DCC: variants seen among roughly 807,000 people sequenced by gnomAD.
DCC encodes the protein DCC netrin 1 receptor, also known as netrin receptor DCC.
In DCC, 58 loss-of-function variants were observed where a neutral mutation model predicts 172.5. The ratio of observed to expected loss-of-function variants is 0.34; its 90% CI spans 0.27 to 0.42. The LOEUF (loss-of-function observed/expected upper bound fraction) is 0.42, where lower values mean the gene tolerates loss of function less well. DCC is among the 10% of genes least tolerant of loss of function. The pLI, the probability that DCC is intolerant of heterozygous loss-of-function variation, is 1.00. For synonymous variants in DCC, 709 were observed against 644.5 expected (o/e 1.10, Z -1.52); for missense variants, 1,740 against 1,791.0 (o/e 0.97, Z 0.51).
At chr18:52,742,890 G>A (rs2036844950) in intron 1 of DCC, among the ~76,000 whole-genome samples, 1 of 151,964 alleles carries the variant, frequency 6.6e-6, no homozygotes, top group African/African-American at 2.4e-5. Flanking sequence ...ACAACCATGT[G>A]GATAATAAAG....
chr18:53,172,527 C>A (rs1337945366), intron 8 of DCC, among the ~76,000 whole-genome samples: 2 of 152,036 alleles, frequency 1.3e-5, no homozygotes, highest in African/African-American at 4.8e-5. Flanking sequence ...TTATGGCCAG[C>A]GTGACTTGGA....
intron 1 of DCC, among the ~76,000 whole-genome samples, chr18:52,705,995 A>C (rs1976503590): frequency 6.6e-6 from 1 of 152,178 alleles, no homozygotes; most frequent in Non-Finnish European, 1.5e-5. Flanking sequence ...CTGTGGATAG[A>C]GAGGATGCCC....
chr18:52,606,532 C>A (rs2034134248), intron 1 of DCC, among the ~76,000 whole-genome samples: 1 of 151,952 alleles, frequency 6.6e-6, no homozygotes, highest in Non-Finnish European at 1.5e-5. Flanking sequence ...TATATGATGG[C>A]AGGAAACATG....
chr18:52,944,122 T>TA lies in DCC; in HGVS notation c.985+18758dup, dbSNP rs1471800884. On this transcript the variant is annotated intron_variant, in intron 5 of 28. Coordinates refer to ENST00000442544, the MANE Select transcript of DCC (RefSeq NM_005215.4). ...CTAACTTGGGTTTTAAATAGTAAAATAAAAAATCATTCTAATAACATTTCT... is the reference window on the plus strand; with the variant it reads ...CTAACTTGGGTTTTAAATAGTAAAATAAAAAAATCATTCTAATAACATTTCT... 5.3e-5 allele frequency among the ~76,000 whole-genome samples: 8 copies of TA among 152,230 alleles called. No homozygotes were observed. The East Asian group carries it at 7.7e-4, about 15-fold the overall frequency.
chr18:53,279,711 A>G (rs1007555494), intron 12 of DCC, among the ~76,000 whole-genome samples: 3 of 152,062 alleles, frequency 2.0e-5, no homozygotes, highest in African/African-American at 7.2e-5. Flanking sequence ...TAAACTGGAC[A>G]AAGAAAACAT....
intron 1 of DCC, among the ~76,000 whole-genome samples, chr18:52,448,897 A>G (rs752971586): frequency 2.0e-5 from 3 of 152,200 alleles, no homozygotes; most frequent in Non-Finnish European, 4.4e-5. Context: ...AGAAATTAAC[A>G]TTTGCTAGTT....
chr18:52,741,740 T>C lies in DCC; in HGVS notation c.92-10314T>C, dbSNP rs1430529892. ...TCAGACCTTGCTTGCTGGAACTCTC[T>C]CATTCACTCCAACCCAGCTATTCCT... On this transcript the variant is annotated intron_variant, in intron 1 of 28. Transcript: ENST00000442544. Among the ~76,000 whole-genome samples the C allele has an allele frequency of 2.0e-5, 3 of 152,158 alleles. No homozygotes were observed. The East Asian group carries it at 5.8e-4, about 29-fold the overall frequency.
chr18:53,378,047 T>C (rs529177444), intron 15 of DCC, among the ~76,000 whole-genome samples: 35 of 152,286 alleles, frequency 2.3e-4, no homozygotes, highest in Non-Finnish European at 4.4e-4. Flanking sequence ...CTGCAACTTC[T>C]GCGTCCTGGG....
At chr18:52,372,848 A>T (rs1024909087) in intron 1 of DCC, among the ~76,000 whole-genome samples, 9 of 152,180 alleles carry the variant, frequency 5.9e-5, no homozygotes, top group Admixed American at 5.9e-4. Context: ...CACTTAGAGG[A>T]TGAAATAACA....
chr18:52,345,583 G>C (rs754250118), intron 1 of DCC, among the ~76,000 whole-genome samples: 2 of 152,044 alleles, frequency 1.3e-5, no homozygotes, highest in African/African-American at 2.4e-5. Context: ...TTTTCAGCTC[G>C]TTTCTAAGGA....
rs755211612 is a variant in DCC at position 53,050,693 on chromosome 18, CT to C, written c.986-12611del. Among the ~76,000 whole-genome samples, 3 of 152,140 alleles carry C rather than the reference CT, an allele frequency of 2.0e-5. No individual in the cohort carries two copies. The East Asian group carries it at 5.8e-4, about 30-fold the overall frequency. ...TTTTGGACAGAGACGTTGGGGTTCT[CT>C]AAATATAGAATCATGTTATCCACAA... On this transcript the variant is annotated intron_variant, in intron 5 of 28. Coordinates refer to ENST00000442544, the MANE Select transcript of DCC (RefSeq NM_005215.4).
At chr18:52,724,254 C>A (rs1004414194) in intron 1 of DCC, among the ~76,000 whole-genome samples, 1 of 152,150 alleles carries the variant, frequency 6.6e-6, no homozygotes, top group Non-Finnish European at 1.5e-5. Context: ...CTAAACAATC[C>A]TCCTGCCTCA....
At chr18:52,815,981 A>C (rs1009806703) in intron 2 of DCC, among the ~76,000 whole-genome samples, 1 of 152,196 alleles carries the variant, frequency 6.6e-6, no homozygotes, top group Non-Finnish European at 1.5e-5. Context: ...AAAAGAGATA[A>C]ACCAACCAAT....
At chr18:53,141,768 T>A (rs746167940) in intron 7 of DCC, among the ~76,000 whole-genome samples, 4 of 152,206 alleles carry the variant, frequency 2.6e-5, no homozygotes, top group Non-Finnish European at 5.9e-5. Context: ...CTCCTCTCCA[T>A]GGTTGTGTGT....
chr18:53,139,439 T>TA (rs1241772559), intron 7 of DCC, among the ~76,000 whole-genome samples: 1 of 152,204 alleles, frequency 6.6e-6, no homozygotes, highest in African/African-American at 2.4e-5. Context: ...CATGCACTGG[T>TA]AAAACTGGAA....
intron 1 of DCC, among the ~76,000 whole-genome samples, chr18:52,716,032 T>C: frequency 6.6e-6 from 1 of 152,164 alleles, no homozygotes; most frequent in East Asian, 1.9e-4. Context: ...GAAGGAATCC[T>C]TTCTTGCTCT....
intron 1 of DCC, among the ~76,000 whole-genome samples, chr18:52,444,398 T>A (rs749470667): frequency 2.6e-4 from 39 of 152,228 alleles, no homozygotes; most frequent in Non-Finnish European, 5.1e-4. Flanking sequence ...GAATTTATTT[T>A]TTTTAGCAAA....
chr18:52,792,416 A>AC (rs1488170689), intron 2 of DCC, among the ~76,000 whole-genome samples: 1 of 152,106 alleles, frequency 6.6e-6, no homozygotes, highest in Non-Finnish European at 1.5e-5. Flanking sequence ...TGTTGCCAAC[A>AC]CCCCACCAGG....
At chr18:53,304,535 C>T (rs2057177279) in intron 12 of DCC, among the ~76,000 whole-genome samples, 1 of 152,098 alleles carries the variant, frequency 6.6e-6, no homozygotes, top group South Asian at 2.1e-4. Flanking sequence ...CCTGTTCTCT[C>T]CTGTGTTTAA....
Sources: gnomAD v4.1 joint callset for allele counts (sites outside exome capture counted in the v4.1 genomes callset) on GRCh38, gnomAD v4.1.1 for gene constraint, MANE v1.5 for transcripts, NCBI Gene and HGNC (gene_info 2026-07-23, HGNC 2026-07-21) for gene names.